PARD3: variants seen among roughly 807,000 people sequenced by gnomAD.
PARD3 encodes partitioning defective 3 homolog.
PARD3 carries 75 observed loss-of-function variants against 155.4 expected under a neutral mutation model. The ratio of observed to expected loss-of-function variants is 0.48; its 90% CI spans 0.40 to 0.58. The LOEUF (loss-of-function observed/expected upper bound fraction) is 0.58, where lower values mean the gene tolerates loss of function less well. Ranked by LOEUF, PARD3 falls within the 20% of genes least tolerant of loss-of-function variation. The probability of loss-of-function intolerance (pLI) is 0.00; values close to 1 mark genes in which losing one functional copy is unlikely to be tolerated. For synonymous variants in PARD3, 576 were observed against 610.5 expected, an observed-to-expected ratio of 0.94 and a Z score of 0.83; for missense variants, 1,642 against 1,721.7, an observed-to-expected ratio of 0.95 and a Z score of 0.82.
chr10:34,385,788 T>C (rs911831179), intron 7 of PARD3, among the ~76,000 whole-genome samples: 2 of 152,212 alleles, frequency 1.3e-5, no homozygotes, highest in African/African-American at 2.4e-5. Flanking sequence ...TCTCTATTAG[T>C]GGACTATAAG....
At chr10:34,675,928 G>A (rs994089474) in intron 2 of PARD3, 3 of 171,272 alleles carry the variant, frequency 1.8e-5, no homozygotes, top group Admixed American at 5.7e-5. Flanking sequence ...AGGCTCTGGC[G>A]GCTCCGCGAA....
chr10:34,784,586 G>A (rs528369699), intron 1 of PARD3, among the ~76,000 whole-genome samples: 4 of 152,136 alleles, frequency 2.6e-5, no homozygotes, highest in East Asian at 1.9e-4. Context: ...ACAGGCACAC[G>A]CCACCATGCC....
At position 34,814,971 on chromosome 10, in the gene PARD3, G is replaced by C. The variant is rs745809300; in HGVS notation, c.25C>G (p.Arg9Gly). Residue 9 changes from arginine (R) to glycine (G), a missense_variant, in exon 1 of 25, where the codon CGG (arginine) becomes GGG (glycine). Coordinates refer to ENST00000374788, the MANE Select transcript of PARD3 (RefSeq NM_001184785.2). The part of the protein sequence containing the change: MKVTVCFG[R>G]TRVVVPCGDG... ...CCGCACGGCACGACCACCCGGGTCC[G>C]TCCGAAGCACACGGTCACTTTCATG... 51 of 1,546,382 alleles carry C rather than the reference G, an allele frequency of 3.3e-5. No homozygotes were observed. The highest frequency in any genetic ancestry group is 4.3e-5 in the Non-Finnish European group (49 of 1,148,256).
intron 5 of PARD3, among the ~76,000 whole-genome samples, chr10:34,416,874 A>G (rs1845728723): frequency 6.6e-6 from 1 of 152,270 alleles, no homozygotes. Context: ...GGAATCTGAC[A>G]TACTTGACTT....
intron 12 of PARD3, 78 bp downstream of exon 12, chr10:34,372,420 T>G: frequency 5.5e-6 from 6 of 1,089,174 alleles, no homozygotes; most frequent in Non-Finnish European, 8.5e-6. Flanking sequence ...GACAAGTAAC[T>G]TCGTATTAAA....
intron 3 of PARD3, among the ~76,000 whole-genome samples, chr10:34,515,625 C>G (rs907338545): frequency 6.6e-5 from 10 of 152,190 alleles, no homozygotes; most frequent in Admixed American, 1.3e-4. Context: ...AACTGTTAAA[C>G]TGCTCTTCTT....
intron 22 of PARD3, among the ~76,000 whole-genome samples, chr10:34,177,960 T>C (rs1290675416): frequency 2.8e-4 from 42 of 152,216 alleles, no homozygotes; most frequent in Non-Finnish European, 1.5e-5. Context: ...CACAAATTAC[T>C]ATCACTGGTC....
chr10:34,346,580 T>C, intron 15 of PARD3: 1 of 1,126,178 alleles, frequency 8.9e-7, no homozygotes, highest in Admixed American at 3.0e-5. Flanking sequence ...GATAAAGATT[T>C]ATACCAAAGC....
At chr10:34,664,617 C>T (rs559481807) in intron 2 of PARD3, among the ~76,000 whole-genome samples, 37 of 152,198 alleles carry the variant, frequency 2.4e-4, no homozygotes, top group African/African-American at 7.9e-4. Context: ...TCCTGGGTAG[C>T]TGGGATTACA....
chr10:34,500,768 T>C (rs1023392363), intron 3 of PARD3, among the ~76,000 whole-genome samples: 2 of 152,190 alleles, frequency 1.3e-5, no homozygotes, highest in African/African-American at 4.8e-5. Context: ...TATAATAACA[T>C]AAAATGAATA....
intron 5 of PARD3, among the ~76,000 whole-genome samples, chr10:34,430,561 T>C (rs2075849387): frequency 6.6e-6 from 1 of 152,200 alleles, no homozygotes; most frequent in African/African-American, 2.4e-5. Context: ...AACCATATTA[T>C]TTTACATTAT....
chr10:34,236,491 T>C (rs1953242374), intron 22 of PARD3, among the ~76,000 whole-genome samples: 2 of 152,144 alleles, frequency 1.3e-5, no homozygotes, highest in Admixed American at 6.5e-5. Context: ...ATATGACAAA[T>C]AACTAAAAGC....
chr10:34,221,577 A>G (rs1338238507), intron 22 of PARD3, among the ~76,000 whole-genome samples: 1 of 152,164 alleles, frequency 6.6e-6, no homozygotes, highest in Non-Finnish European at 1.5e-5. Context: ...CTCTTAATGC[A>G]GAAAGAAGGC....
In PARD3 at chr10:34,112,975, A is replaced by G. The variant is rs113776059; in HGVS notation, c.3669-1413T>C. ...ATGTGATGGAATAGTTTATTTGCCTAAAGCACTGATTATCTTCACTTAAGT... is the reference window on the plus strand; with the variant it reads ...ATGTGATGGAATAGTTTATTTGCCTGAAGCACTGATTATCTTCACTTAAGT... On this transcript the variant is annotated intron_variant, in intron 24 of 24. Transcript: ENST00000374788. Among the ~76,000 whole-genome samples the G allele has an allele frequency of 5.0e-3, 756 of 152,324 alleles. 9 individuals are homozygous for G. The highest frequency in any genetic ancestry group is 0.017 in the African/African-American group (694 of 41,572).
chr10:34,224,919 T>G (rs1952509607), intron 22 of PARD3, among the ~76,000 whole-genome samples: 1 of 152,214 alleles, frequency 6.6e-6, no homozygotes, highest in Non-Finnish European at 1.5e-5. Context: ...CTAGAATGAT[T>G]TATTCCTTTT....
At chr10:34,769,715 C>T (rs1249392138) in intron 1 of PARD3, among the ~76,000 whole-genome samples, 1 of 151,198 alleles carries the variant, frequency 6.6e-6, no homozygotes, top group African/African-American at 2.4e-5. Context: ...CGTGATCATG[C>T]CACTGCACAC....
In PARD3 at chr10:34,779,382, C is replaced by T. The variant is rs7900753; in HGVS notation, c.120+35494G>A. On this transcript the variant is annotated intron_variant, in intron 1 of 24. Coordinates refer to ENST00000374788, the MANE Select transcript of PARD3 (RefSeq NM_001184785.2). ...CCCAGCACTTTGGGAGGCCGAGGCC[C>T]AGCAGATCACGACATCAGGCGATCG... Among the ~76,000 whole-genome samples the T allele has an allele frequency of 8.8e-3, 1,339 of 151,956 alleles. 15 individuals carry two copies. Among genetic ancestry groups the T allele is most frequent in the African/African-American group, 0.03 (1,228 of 41,414 alleles).
intron 22 of PARD3, among the ~76,000 whole-genome samples, chr10:34,158,402 C>CT (rs1429641333): frequency 6.6e-6 from 1 of 152,150 alleles, no homozygotes; most frequent in African/African-American, 2.4e-5. Flanking sequence ...TCTTGGATAG[C>CT]TTCTGTGTGT....
At chr10:34,468,593 C>T (rs1484160881) in intron 4 of PARD3, among the ~76,000 whole-genome samples, 1 of 152,170 alleles carries the variant, frequency 6.6e-6, no homozygotes, top group Non-Finnish European at 1.5e-5. Context: ...ACAAGCTAAT[C>T]TTAATGAGAA....
Sources: allele counts gnomAD v4.1 joint callset (sites outside exome capture counted in the v4.1 genomes callset), GRCh38; gene constraint gnomAD v4.1.1; transcripts MANE v1.5; gene names NCBI Gene and HGNC (gene_info 2026-07-23, HGNC 2026-07-21).